Variants in CSMD1 observed in about 807,000 individuals in gnomAD.
The protein encoded by CSMD1 is CUB and sushi domain-containing protein 1.
In CSMD1, 213 loss-of-function variants were observed where a neutral mutation model predicts 417.5. The ratio of observed to expected loss-of-function variants is 0.51; its 90% CI spans 0.46 to 0.57. CSMD1 has a LOEUF of 0.57. CSMD1 is among the 20% of genes least tolerant of loss of function. The probability of loss-of-function intolerance (pLI) is 0.00; values close to 1 mark genes in which losing one functional copy is unlikely to be tolerated. For missense variants in CSMD1, 6,923 were observed against 4,529.7 expected (o/e 1.53, Z -15.17); for synonymous variants, 2,862 against 1,736.8 (o/e 1.65, Z -16.11).
intron 3 of CSMD1, among the ~76,000 whole-genome samples, chr8:4,260,549 G>A (rs985239856): frequency 2.6e-5 from 4 of 152,036 alleles, no homozygotes; most frequent in African/African-American, 4.8e-5. Flanking sequence ...CAGAATACCT[G>A]GATTTTATTG....
chr8:4,651,405 G>A (rs888703293), intron 1 of CSMD1, among the ~76,000 whole-genome samples: 9 of 152,040 alleles, frequency 5.9e-5, no homozygotes, highest in East Asian at 1.9e-4. Flanking sequence ...GCTGTTTCTC[G>A]GGTCTTCAGC....
At chr8:3,525,515 C>T (rs1415308017) in intron 10 of CSMD1, among the ~76,000 whole-genome samples, 4 of 152,172 alleles carry the variant, frequency 2.6e-5, no homozygotes, top group Non-Finnish European at 5.9e-5. Flanking sequence ...TACCCTGACA[C>T]TGATTTTACT....
intron 25 of CSMD1, among the ~76,000 whole-genome samples, chr8:3,285,821 G>GTATA (rs752990851): frequency 4.4e-4 from 65 of 148,880 alleles, no homozygotes; most frequent in Non-Finnish European, 7.7e-4. Context: ...CCCCATTTGT[G>GTATA]TATATATATA....
intron 3 of CSMD1, among the ~76,000 whole-genome samples, chr8:4,113,138 C>A (rs1349251284): frequency 1.3e-5 from 2 of 152,066 alleles, no homozygotes; most frequent in African/African-American, 4.8e-5. Flanking sequence ...ATCAGCTGTT[C>A]TTTATCTTAC....
chr8:3,138,809 G>C (rs146311618), intron 41 of CSMD1, among the ~76,000 whole-genome samples: 39 of 152,350 alleles, frequency 2.6e-4, no homozygotes, highest in African/African-American at 8.2e-4. Context: ...CTTAGCCAGA[G>C]AGACAGCAGA....
chr8:4,114,395 T>A (rs982066324), intron 3 of CSMD1, among the ~76,000 whole-genome samples: 2 of 152,190 alleles, frequency 1.3e-5, no homozygotes, highest in Admixed American at 1.3e-4. Flanking sequence ...GAAAAAAAGA[T>A]TCCTTTCAAA....
intron 7 of CSMD1, among the ~76,000 whole-genome samples, chr8:3,680,394 G>T (rs1448457522): frequency 6.6e-6 from 1 of 152,086 alleles, no homozygotes; most frequent in East Asian, 1.9e-4. Context: ...TACCATCAGA[G>T]AATACTATTA....
In CSMD1 at chr8:4,637,519, G is replaced by C. The variant is rs753888235; in HGVS notation, c.125C>G (p.Thr42Ser). The C allele has an allele frequency of 3.7e-6, 6 of 1,613,690 alleles. No individual in the cohort carries two copies. The highest frequency in any genetic ancestry group is 2.2e-5 in the East Asian group (1 of 44,878). Residue 42 changes from threonine to serine, a missense_variant, in exon 2 of 70, where the codon ACT becomes AGT. Coordinates refer to ENST00000635120, the MANE Select transcript of CSMD1 (RefSeq NM_033225.6). ...CGGLVQGPNG[T>S]IESPGFPHGY... ...GTGAGGAAACCCTGGGCTCTCAATAGTGCCATTGGGACCCTGGACTAAGCC... is the reference window on the plus strand; with the variant it reads ...GTGAGGAAACCCTGGGCTCTCAATACTGCCATTGGGACCCTGGACTAAGCC...
At chr8:4,140,806 T>C (rs921385204) in intron 3 of CSMD1, among the ~76,000 whole-genome samples, 6 of 151,030 alleles carry the variant, frequency 4.0e-5, no homozygotes, top group Non-Finnish European at 8.8e-5. Flanking sequence ...TTTCTAAGCG[T>C]GTAAATGGGC....
chr8:4,460,754 G>C (rs1418585414), intron 2 of CSMD1, among the ~76,000 whole-genome samples: 1 of 152,004 alleles, frequency 6.6e-6, no homozygotes, highest in Non-Finnish European at 1.5e-5. Flanking sequence ...AACAACATCA[G>C]AATAGACCTC....
At chr8:3,668,949 A>T (rs1585045957) in intron 7 of CSMD1, among the ~76,000 whole-genome samples, 1 of 152,154 alleles carries the variant, frequency 6.6e-6, no homozygotes, top group Non-Finnish European at 1.5e-5. Context: ...CAGAAACAGG[A>T]AAGATGGGGA....
At chr8:3,277,505 G>C (rs1802390357) in intron 26 of CSMD1, among the ~76,000 whole-genome samples, 1 of 152,070 alleles carries the variant, frequency 6.6e-6, no homozygotes, top group East Asian at 1.9e-4. Context: ...TGAATGCATT[G>C]TTGGATTCTC....
At chr8:4,648,118 T>C (rs926839005) in intron 1 of CSMD1, among the ~76,000 whole-genome samples, 1 of 152,256 alleles carries the variant, frequency 6.6e-6, no homozygotes, top group Non-Finnish European at 1.5e-5. Flanking sequence ...CTGACTGGCA[T>C]GAGATGGCAT....
intron 10 of CSMD1, among the ~76,000 whole-genome samples, chr8:3,529,201 A>G (rs932955095): frequency 5.3e-5 from 8 of 152,242 alleles, no homozygotes; most frequent in African/African-American, 1.7e-4. Flanking sequence ...TCAGACTACC[A>G]AAGTCAAGAG....
chr8:3,537,157 C>A (rs1798237151), intron 10 of CSMD1, among the ~76,000 whole-genome samples: 1 of 152,102 alleles, frequency 6.6e-6, no homozygotes, highest in East Asian at 1.9e-4. Context: ...GTGCCCGCCA[C>A]CACGCCCAGC....
chr8:3,633,234 G>C (rs1036904770), intron 7 of CSMD1, among the ~76,000 whole-genome samples: 3 of 152,198 alleles, frequency 2.0e-5, no homozygotes, highest in Non-Finnish European at 2.9e-5. Flanking sequence ...GTCTACATTG[G>C]ATATAACATA....
chr8:3,953,737 G>A (rs1464478793), intron 5 of CSMD1, among the ~76,000 whole-genome samples: 1 of 152,084 alleles, frequency 6.6e-6, no homozygotes, highest in African/African-American at 2.4e-5. Flanking sequence ...TTCCCCCACA[G>A]AGCCCCTGAG....
chr8:3,625,295 T>A (rs899376474), intron 7 of CSMD1, among the ~76,000 whole-genome samples: 1 of 152,154 alleles, frequency 6.6e-6, no homozygotes, highest in Non-Finnish European at 1.5e-5. Context: ...ATTGCTTTTA[T>A]ACGTATTGTT....
intron 5 of CSMD1, among the ~76,000 whole-genome samples, chr8:3,788,335 G>A (rs1471439025): frequency 1.3e-5 from 2 of 152,146 alleles, no homozygotes; most frequent in Non-Finnish European, 2.9e-5. Flanking sequence ...ATGGGCTTTA[G>A]GTACCCTGAG....
Sources: allele counts gnomAD v4.1 joint callset (sites outside exome capture counted in the v4.1 genomes callset), GRCh38; gene constraint gnomAD v4.1.1; transcripts MANE v1.5; gene names NCBI Gene and HGNC (gene_info 2026-07-23, HGNC 2026-07-21).